The following SNW1 variants were observed in gnomAD, a reference collection of about 807,000 sequenced individuals.
The protein encoded by SNW1 is SNW domain-containing protein 1.
In SNW1, 9 loss-of-function variants were observed where a neutral mutation model predicts 75.6. That is an observed-to-expected ratio of 0.12 (90% confidence interval 0.07 to 0.21). The LOEUF (loss-of-function observed/expected upper bound fraction) is 0.21. Ranked by LOEUF, SNW1 falls within the 10% of genes least tolerant of loss-of-function variation. SNW1 has a pLI of 1.00. For synonymous variants in SNW1, 200 were observed against 219.1 expected (o/e 0.91, Z 0.77); for missense variants, 409 against 670.9 (o/e 0.61, Z 4.31).
chr14:77,751,553 A>G (rs2080807229), intron 2 of SNW1, 73 bp from the exon 3 acceptor site: 1 of 1,270,866 alleles, frequency 7.9e-7, no homozygotes, highest in Non-Finnish European at 1.1e-6. Flanking sequence ...TTCATTCAAC[A>G]AGTAATTGTT....
intron 11 of SNW1, 145 bp downstream of exon 11, chr14:77,723,036 A>G: frequency 1.5e-6 from 1 of 659,008 alleles, no homozygotes; most frequent in Non-Finnish European, 2.7e-6. Context: ...TTTAGTAGAC[A>G]CAGGGTTTCA....
At chr14:77,730,455 A>G (rs979019538) in intron 10 of SNW1, among the ~76,000 whole-genome samples, 2 of 151,486 alleles carry the variant, frequency 1.3e-5, no homozygotes, top group Admixed American at 6.6e-5. Flanking sequence ...TTTAGTAATG[A>G]AAAAAAAATA....
In SNW1 at chr14:77,734,964, T is replaced by G. The variant is rs1227509797; in HGVS notation, c.757A>C (p.Asn253His). The change falls in exon 8 of 14, where the codon AAC (asparagine) becomes CAC (histidine). Residue 253 changes from asparagine (N) to histidine (H), a missense_variant. Around this residue, in one of 9 missense-constraint regions of SNW1, gnomAD observed 6 missense variants for 42.6 expected, o/e 0.14. Transcript: ENST00000261531. Reference sequence around the variant, plus strand: ...TTAATTACCTTTGCATTTTTCCAGTTAGAAATACAAGGAGGAATCTTCCAC... The same window carrying G: ...TTAATTACCTTTGCATTTTTCCAGTGAGAAATACAAGGAGGAATCTTCCAC... Reference protein sequence around the residue: ...QEWKIPPCISNWKNAKGYTIP... With the variant: ...QEWKIPPCISHWKNAKGYTIP... The G allele has an allele frequency of 1.2e-6, 2 of 1,611,054 alleles. No individual in the cohort carries two copies.
Position 77,757,747 on chromosome 14 carries a change from T to TC in SNW1, c.15-2628dup, listed in dbSNP as rs983180808. Among the ~76,000 whole-genome samples the TC allele has an allele frequency of 8.5e-5, 13 of 152,282 alleles. No individual in the cohort carries two copies. The South Asian group carries it at 2.5e-3, about 29-fold the overall frequency. On this transcript the variant is annotated intron_variant, in intron 1 of 13. Transcript: ENST00000261531. ...CTTATGCTTCTTTCATCCCTAATGC[T>TC]CCAAGACTTCTAGCTCACAGCTCGA...
In SNW1 at chr14:77,734,976, G is replaced by A; in HGVS notation, c.745C>T (p.Pro249Ser). Residue 249 changes from proline (P) to serine (S), a missense_variant, in exon 8 of 14, where the codon CCT (proline) becomes TCT (serine). Around this residue, in one of 9 missense-constraint regions of SNW1, gnomAD observed 6 missense variants for 42.6 expected, o/e 0.14. Coordinates refer to ENST00000261531, the MANE Select transcript of SNW1 (RefSeq NM_012245.3). ...VKEQQEWKIP[P>S]CISNWKNAKG... ...GCATTTTTCCAGTTAGAAATACAAGGAGGAATCTTCCACTCTTGTTGTTCC... is the reference window on the plus strand; with the variant it reads ...GCATTTTTCCAGTTAGAAATACAAGAAGGAATCTTCCACTCTTGTTGTTCC... The A allele has an allele frequency of 6.2e-7, 1 of 1,611,982 alleles. No individual in the cohort carries two copies. The highest frequency in any genetic ancestry group is 8.5e-7 in the Non-Finnish European group (1 of 1,178,200).
intron 3 of SNW1, among the ~76,000 whole-genome samples, chr14:77,742,316 G>A (rs1163666268): frequency 4.6e-5 from 7 of 151,974 alleles, no homozygotes; most frequent in African/African-American, 7.2e-5. Context: ...GATTACAGGC[G>A]TGAGCCACAG....
At chr14:77,718,961 T>C (rs1471031991) in intron 12 of SNW1, among the ~76,000 whole-genome samples, 2 of 152,166 alleles carry the variant, frequency 1.3e-5, no homozygotes, top group Non-Finnish European at 2.9e-5. Context: ...TCGCCTGCCT[T>C]GGTCTCACAA....
Position 77,717,915 on chromosome 14 carries a change from A to G in SNW1, c.*173T>C. 1 of 604,146 alleles carries G rather than the reference A, an allele frequency of 1.7e-6. No homozygotes were observed. Among genetic ancestry groups the G allele is most frequent in the Non-Finnish European group, 2.8e-6 (1 of 357,738 alleles). 37.4% of individuals were successfully genotyped at this position (604,146 alleles called of 1,614,324 possible). Reference sequence around the variant, plus strand: ...CAACCCACTCTTTAAAAAAAACTAAATAATTCAAAGTAGAATTTTCTATCC... The same window carrying G: ...CAACCCACTCTTTAAAAAAAACTAAGTAATTCAAAGTAGAATTTTCTATCC... On this transcript the variant is annotated 3_prime_UTR_variant, in exon 14 of 14. Transcript: ENST00000261531.
chr14:77,738,899 A>AT lies in SNW1; in HGVS notation c.427-16dup. 1 of 1,611,608 alleles carries AT rather than the reference A, an allele frequency of 6.2e-7. No individual in the cohort carries two copies. The highest frequency in any genetic ancestry group is 8.5e-7 in the Non-Finnish European group (1 of 1,177,682). ...TTTTCTGTTATCTGAAATAGGAAAT[A>AT]TCACATTGAGAGTTTGGAAGTTAAT... On this transcript the variant is annotated splice_polypyrimidine_tract_variant and intron_variant, in intron 4 of 13. Coordinates refer to ENST00000261531, the MANE Select transcript of SNW1 (RefSeq NM_012245.3).
chr14:77,748,212 C>G (rs1181674880), intron 3 of SNW1, among the ~76,000 whole-genome samples: 1 of 152,132 alleles, frequency 6.6e-6, no homozygotes, highest in African/African-American at 2.4e-5. Flanking sequence ...TTGAAGGCAG[C>G]ATGCTTGTTA....
At chr14:77,720,935 A>G (rs2080535204) in intron 11 of SNW1, 107 bp from the exon 12 acceptor site, 1 of 738,968 alleles carries the variant, frequency 1.4e-6, no homozygotes, top group Non-Finnish European at 2.4e-6. Context: ...AATATGTCAC[A>G]TTCACATCTT....
intron 10 of SNW1, among the ~76,000 whole-genome samples, chr14:77,728,411 A>G (rs2080602820): frequency 6.6e-6 from 1 of 152,188 alleles, no homozygotes; most frequent in Non-Finnish European, 1.5e-5. Flanking sequence ...AGATTGCATC[A>G]TTACACTTCA....
chr14:77,729,468 T>G (rs1336914234), intron 10 of SNW1, among the ~76,000 whole-genome samples: 1 of 152,216 alleles, frequency 6.6e-6, no homozygotes, highest in Non-Finnish European at 1.5e-5. Context: ...TTGGAAGGCA[T>G]TAGCCCATGC....
intron 7 of SNW1, 76 bp from the exon 8 acceptor site, chr14:77,735,088 CA>C: frequency 9.4e-7 from 1 of 1,064,614 alleles, no homozygotes; most frequent in Non-Finnish European, 1.4e-6. Flanking sequence ...TCTTTATCTT[CA>C]AAGACAGCTC....
At position 77,738,903 on chromosome 14, in the gene SNW1, C is replaced by T. The variant is rs1195281616; in HGVS notation, c.427-19G>A. On this transcript the variant is annotated intron_variant, in intron 4 of 13. Coordinates refer to ENST00000261531, the MANE Select transcript of SNW1 (RefSeq NM_012245.3). ...CTGTTATCTGAAATAGGAAATATCACATTGAGAGTTTGGAAGTTAATCAGG... is the reference window on the plus strand; with the variant it reads ...CTGTTATCTGAAATAGGAAATATCATATTGAGAGTTTGGAAGTTAATCAGG... 1 of 1,611,024 alleles carries T rather than the reference C, an allele frequency of 6.2e-7. No individual in the cohort carries two copies. The highest frequency in any genetic ancestry group is 8.5e-7 in the Non-Finnish European group (1 of 1,177,168).
intron 8 of SNW1, chr14:77,734,175 TAAC>T (rs1278440666): frequency 5.1e-6 from 1 of 197,976 alleles, no homozygotes; most frequent in South Asian, 7.8e-5. Context: ...TACAGATTCT[TAAC>T]AACTCCTAGA....
chr14:77,751,845 C>CACACA (rs1555388654), intron 2 of SNW1, among the ~76,000 whole-genome samples: 1 of 122,646 alleles, frequency 8.2e-6, no homozygotes, highest in South Asian at 2.4e-4. Context: ...CACACACACA[C>CACACA]CACACACACA....
At chr14:77,751,847 A>ACACACACACACAC (rs2080811838) in intron 2 of SNW1, among the ~76,000 whole-genome samples, 1 of 124,844 alleles carries the variant, frequency 8.0e-6, no homozygotes, top group South Asian at 2.6e-4. Flanking sequence ...CACACACACC[A>ACACACACACACAC]CACACACACA....
Position 77,738,847 on chromosome 14 carries a change from A to G in SNW1, c.464T>C (p.Val155Ala). ...CATGGCTGCGGCGACCTTCTGTGAT[A>G]CAGATTTTTCTAAGGCTACTCTTGT... ...EKTRVALEKS[V>A]SQKVAAAMPV... Residue 155 changes from valine (V) to alanine (A), a missense_variant, in exon 5 of 14, where the codon GTA becomes GCA. Physicochemically the swap from Val to Ala is moderately conservative, Grantham distance 64. Coordinates refer to ENST00000261531, the MANE Select transcript of SNW1 (RefSeq NM_012245.3). 1 of 1,614,212 alleles carries G rather than the reference A, an allele frequency of 6.2e-7. No individual in the cohort carries two copies. The highest frequency in any genetic ancestry group is 8.5e-7 in the Non-Finnish European group (1 of 1,180,036).
Sources: gnomAD v4.1 joint callset for allele counts (sites outside exome capture counted in the v4.1 genomes callset) on GRCh38, gnomAD v4.1.1 for gene constraint, gnomAD v4.1.1 regional missense constraint, MANE v1.5 for transcripts, NCBI Gene and HGNC (gene_info 2026-07-23, HGNC 2026-07-21) for gene names.